Variants in PGAP6 observed in about 807,000 individuals in gnomAD.
PGAP6 encodes the protein post-GPI attachment to proteins 6, also known as post-GPI attachment to proteins factor 6.
PGAP6 carries 62 observed loss-of-function variants against 68.4 expected under a neutral mutation model. The observed-to-expected ratio is 0.91, with a 90% CI of 0.74 to 1.12. The LOEUF is 1.12. Ranked by LOEUF, PGAP6 falls within the 50% of genes most tolerant of loss-of-function variation. PGAP6 has a pLI of 0.00. For synonymous variants in PGAP6, 575 were observed against 474.0 expected (o/e 1.21, Z -2.77); for missense variants, 1,188 against 1,068.5 (o/e 1.11, Z -1.56).
At chr16:372,386 G>C (rs1567322103) in intron 12 of PGAP6, 103 bp from the exon 13 acceptor site, 9 of 1,317,602 alleles carry the variant, frequency 6.8e-6, no homozygotes, top group Non-Finnish European at 9.4e-6. Context: ...GGTCTGGGCA[G>C]CAGAACGACA....
chr16:385,219 AG>A (rs1265369546), upstream of PGAP6, among the ~76,000 whole-genome samples: 2 of 152,028 alleles, frequency 1.3e-5, no homozygotes, highest in Non-Finnish European at 2.9e-5. Context: ...CAGACACACA[AG>A]GATGTTTGCA....
chr16:386,726 C>CAAAAAAAAAAAAAAAAAAA (rs10544230), upstream of PGAP6: 3 of 312,022 alleles, frequency 9.6e-6, no homozygotes, highest in South Asian at 2.3e-5. Flanking sequence ...AAAAAAAAAC[C>CAAAAAAAAAAAAAAAAAAA]AAAAAAAAAA....
At chr16:375,891 G>A (rs114612925) in intron 6 of PGAP6, among the ~76,000 whole-genome samples, 2,287 of 152,244 alleles carry the variant, frequency 0.015, 62 homozygotes, top group African/African-American at 0.051. Flanking sequence ...CTTCCTCCCC[G>A]GGCCCTGGGA....
Position 371,639 on chromosome 16 carries a change from T to G in PGAP6, c.*348A>C. The G allele has an allele frequency of 3.4e-6, 1 of 291,106 alleles. No homozygotes were observed. Among genetic ancestry groups the G allele is most frequent in the Non-Finnish European group, 6.6e-6 (1 of 151,060 alleles). 18.0% of individuals were successfully genotyped at this position (291,106 alleles called of 1,614,324 possible). A position where few individuals can be genotyped will look rare whatever the true frequency, so the allele number is the denominator to read the frequency against. ...ACAGCCTCGCCAGGGAACAGGACCA[T>G]AGGGAGTCCTTCTCCCCATCTCTAG... On this transcript the variant is annotated 3_prime_UTR_variant, in exon 13 of 13. Coordinates refer to ENST00000431232, the MANE Select transcript of PGAP6 (RefSeq NM_021259.3).
chr16:385,392 A>G (rs1411519725), upstream of PGAP6, among the ~76,000 whole-genome samples: 1 of 142,986 alleles, frequency 7.0e-6, no homozygotes, highest in Non-Finnish European at 1.5e-5. Flanking sequence ...GGCTCACGCA[A>G]GCTCCACCTC....
Position 377,177 on chromosome 16 carries a change from C to A in PGAP6, c.508-13G>T. Reference sequence around the variant, plus strand: ...TGGGAGCCAAGCCCTAGGGAAAGAACAGGTGTGGGCGGGGGCGGTGTCAGA... The same window carrying A: ...TGGGAGCCAAGCCCTAGGGAAAGAAAAGGTGTGGGCGGGGGCGGTGTCAGA... On this transcript the variant is annotated splice_polypyrimidine_tract_variant and intron_variant, in intron 3 of 12. Transcript: ENST00000431232. 1.9e-6 allele frequency: 3 copies of A among 1,612,978 alleles called. No homozygotes were observed. The highest frequency in any genetic ancestry group is 8.5e-7 in the Non-Finnish European group (1 of 1,179,992).
rs2141760261 is a variant in PGAP6, at chr16:376,312, A to G, written c.1048T>C (p.Cys350Arg). 6.2e-7 allele frequency: 1 copy of G among 1,612,524 alleles called. No individual in the cohort carries two copies. The highest frequency in any genetic ancestry group is 8.5e-7 in the Non-Finnish European group (1 of 1,179,962). Reference protein sequence around the residue: ...RSGRVDRSPFCLTNYPVTRED... With the variant: ...RSGRVDRSPFRLTNYPVTRED... ...CGCGTGACTGGGTAGTTTGTGAGGC[A>G]GAAGGGGCTGCGGTCCACCCTGCCA... is the stretch of plus-strand genomic sequence containing the variant. Residue 350 changes from cysteine to arginine, a missense_variant, in exon 6 of 13, where the codon TGC (cysteine) becomes CGC (arginine). Cys to Arg is a radical substitution (Grantham distance 180). Transcript: ENST00000431232.
intron 6 of PGAP6, among the ~76,000 whole-genome samples, chr16:375,681 G>A (rs2054376310): frequency 6.6e-6 from 1 of 152,104 alleles, no homozygotes; most frequent in South Asian, 2.1e-4. Flanking sequence ...ACAGGCGCCC[G>A]CCACCACGCC....
upstream of PGAP6, among the ~76,000 whole-genome samples, chr16:385,363 A>G (rs1227004369): frequency 8.3e-6 from 1 of 119,904 alleles, no homozygotes; most frequent in Admixed American, 1.1e-4. Context: ...CCCAGGCTGG[A>G]GTGCAGTGAT....
intron 11 of PGAP6, 145 bp downstream of exon 11, chr16:373,860 A>G: frequency 9.6e-7 from 1 of 1,045,040 alleles, no homozygotes; most frequent in Non-Finnish European, 1.3e-6. Context: ...TACAGGTGTG[A>G]GCCACCATGC....
intron 12 of PGAP6, 99 bp from the exon 13 acceptor site, chr16:372,382 G>A: frequency 7.4e-7 from 1 of 1,357,236 alleles, no homozygotes; most frequent in Non-Finnish European, 1.0e-6. Context: ...CCCAGGTCTG[G>A]GCAGCAGAAC....
chr16:376,562 C>T lies in PGAP6; in HGVS notation c.886G>A (p.Ala296Thr). ...VGPLGTVAFS[A>T]VAALTACRPR... ...GGCCCACCTGTGAGGGCAGCTACAG[C>T]ACTGAAAGCCACTGTCCCGAGGGGC... The change falls in exon 5 of 13, where the codon GCT (alanine) becomes ACT (threonine). Residue 296 changes from alanine (A) to threonine (T), a missense_variant. By Grantham distance (58) the Ala-to-Thr change is moderately conservative (BLOSUM62 0). Coordinates refer to ENST00000431232, the MANE Select transcript of PGAP6 (RefSeq NM_021259.3). 1 of 1,554,336 alleles carries T rather than the reference C, an allele frequency of 6.4e-7. No homozygotes were observed. Among genetic ancestry groups the T allele is most frequent in the Non-Finnish European group, 8.7e-7 (1 of 1,149,264 alleles).
chr16:375,729 A>C (rs1057047781), intron 6 of PGAP6, among the ~76,000 whole-genome samples: 11 of 151,658 alleles, frequency 7.3e-5, no homozygotes, highest in Admixed American at 5.3e-4. Flanking sequence ...ACGGGGTTTC[A>C]CCGTGTTAGC....
At chr16:378,767 G>T (rs1280196882) in intron 1 of PGAP6, among the ~76,000 whole-genome samples, 1 of 152,252 alleles carries the variant, frequency 6.6e-6, no homozygotes, top group Non-Finnish European at 1.5e-5. Context: ...TTACCCAGAG[G>T]GAGATACTGC....
Position 376,167 on chromosome 16 carries a change from C to A in PGAP6, c.1193G>T (p.Gly398Val). The change falls in exon 6 of 13, where the codon GGT (glycine) becomes GTT (valine). Residue 398 changes from glycine (G) to valine (V), a missense_variant. By Grantham distance (109) the Gly-to-Val change is moderately radical. Transcript: ENST00000431232. ...LRLNTGMDSG[G>V]SLTISLRANK... ...GGCCCGCAGGGAGATGGTGAGGGAA[C>A]CCCCGCTGTCCATGCCGGTGTTCAG... The A allele has an allele frequency of 1.2e-6, 2 of 1,608,912 alleles. No individual in the cohort carries two copies. The highest frequency in any genetic ancestry group is 1.1e-5 in the South Asian group (1 of 90,992).
Position 374,208 on chromosome 16 carries a change from G to A in PGAP6, c.1755+13C>T, listed in dbSNP as rs1189084773. 6 of 1,610,334 alleles carry A rather than the reference G, an allele frequency of 3.7e-6. No homozygotes were observed. Among genetic ancestry groups the A allele is most frequent in the Middle Eastern group, 1.6e-4 (1 of 6,074 alleles). ...CCTCCCACCCCACATCCCTGCAGGAGGGGCCAGCCTACCGTGGAGAAGAAC... is the reference window on the plus strand; with the variant it reads ...CCTCCCACCCCACATCCCTGCAGGAAGGGCCAGCCTACCGTGGAGAAGAAC... On this transcript the variant is annotated intron_variant, in intron 10 of 12. Transcript: ENST00000431232.
At chr16:373,646 C>T (rs2054353339) in intron 11 of PGAP6, among the ~76,000 whole-genome samples, 1 of 152,242 alleles carries the variant, frequency 6.6e-6, no homozygotes, top group Non-Finnish European at 1.5e-5. Context: ...ATCAAGCGAT[C>T]CTCCCACCTT....
In PGAP6 at chr16:381,844, T is replaced by C; in HGVS notation, c.-23A>G. The C allele has an allele frequency of 2.0e-6, 2 of 1,000,646 alleles. No homozygotes were observed. The highest frequency in any genetic ancestry group is 2.4e-6 in the Non-Finnish European group (2 of 841,060). 62.0% of individuals were successfully genotyped at this position (1,000,646 alleles called of 1,614,324 possible). ...CATGGCTCCGCGCTCGGCCCGGCGCTACCCGGCCCGCGTCCCGCGCCGCCG... is the reference window on the plus strand; with the variant it reads ...CATGGCTCCGCGCTCGGCCCGGCGCCACCCGGCCCGCGTCCCGCGCCGCCG... On this transcript the variant is annotated 5_prime_UTR_variant, in exon 1 of 13. The change abolishes the stop of an existing upstream ORF in the 5' untranslated region. Transcript: ENST00000431232.
At chr16:379,968 G>T (rs1597165424) in intron 1 of PGAP6, among the ~76,000 whole-genome samples, 2 of 152,336 alleles carry the variant, frequency 1.3e-5, no homozygotes, top group African/African-American at 4.8e-5. Flanking sequence ...GCAAGTCCCT[G>T]GCCCTGTCCT....
Sources: gnomAD v4.1 joint callset for allele counts (sites outside exome capture counted in the v4.1 genomes callset) on GRCh38, gnomAD v4.1.1 for gene constraint, MANE v1.5 for transcripts, NCBI Gene and HGNC (gene_info 2026-07-23, HGNC 2026-07-21) for gene names.